Variants in DLG2 observed in about 807,000 individuals in gnomAD.
DLG2 encodes the protein disks large homolog 2.
A neutral mutation model predicts 132.5 loss-of-function variants in DLG2; 45 were observed. The ratio of observed to expected loss-of-function variants is 0.34; its 90% CI spans 0.27 to 0.44. DLG2 has a LOEUF of 0.44. DLG2 is among the 20% of genes least tolerant of loss of function. DLG2 has a pLI of 1.00. For synonymous variants in DLG2, 424 were observed against 419.6 expected (o/e 1.01, Z -0.13); for missense variants, 1,045 against 1,196.9 (o/e 0.87, Z 1.87).
intron 4 of DLG2, among the ~76,000 whole-genome samples, chr11:85,165,787 C>T (rs1030361326): frequency 6.6e-6 from 1 of 152,060 alleles, no homozygotes; most frequent in Non-Finnish European, 1.5e-5. Context: ...AAATATAAAC[C>T]TGCACTGCAG....
chr11:83,859,200 G>C (rs1565376070), intron 16 of DLG2, among the ~76,000 whole-genome samples: 1 of 152,222 alleles, frequency 6.6e-6, no homozygotes, highest in Non-Finnish European at 1.5e-5. Context: ...CTGCTGAAAA[G>C]ATACCCGAAA....
chr11:84,499,079 T>C (rs539303483), intron 7 of DLG2, among the ~76,000 whole-genome samples: 14 of 152,238 alleles, frequency 9.2e-5, no homozygotes, highest in Non-Finnish European at 1.5e-4. Flanking sequence ...TAAAGGATGT[T>C]CTTTTGCAAT....
intron 11 of DLG2, among the ~76,000 whole-genome samples, chr11:84,018,038 G>A (rs1173244631): frequency 1.3e-5 from 2 of 151,758 alleles, no homozygotes; most frequent in African/African-American, 4.8e-5. Context: ...TGCTTTATTT[G>A]TTTGTATTTA....
intron 18 of DLG2, among the ~76,000 whole-genome samples, chr11:83,675,191 A>T (rs917106281): frequency 6.6e-6 from 1 of 152,258 alleles, no homozygotes; most frequent in East Asian, 1.9e-4. Context: ...GAAAGAAATG[A>T]TTATTGCCAA....
At chr11:85,150,961 C>T (rs771120574) in intron 5 of DLG2, among the ~76,000 whole-genome samples, 1 of 152,058 alleles carries the variant, frequency 6.6e-6, no homozygotes, top group African/African-American at 2.4e-5. Flanking sequence ...ATACTGTTTT[C>T]CATAATGGTG....
At chr11:83,820,148 T>G (rs1015863770) in intron 17 of DLG2, among the ~76,000 whole-genome samples, 8 of 152,342 alleles carry the variant, frequency 5.3e-5, no homozygotes, top group Admixed American at 1.3e-4. Flanking sequence ...TACTGCCATC[T>G]TGTGGATTTT....
intron 15 of DLG2, among the ~76,000 whole-genome samples, chr11:83,882,689 A>G (rs1268263162): frequency 6.6e-6 from 1 of 152,244 alleles, no homozygotes; most frequent in Non-Finnish European, 1.5e-5. Flanking sequence ...TAATTAAGAC[A>G]TGCAGGCAGT....
intron 11 of DLG2, among the ~76,000 whole-genome samples, chr11:84,054,179 T>G (rs955501712): frequency 1.3e-5 from 2 of 152,074 alleles, no homozygotes; most frequent in African/African-American, 4.8e-5. Context: ...TTAAAAGAAG[T>G]CATCTAATTT....
chr11:85,108,962 A>G (rs1206987256), intron 6 of DLG2, among the ~76,000 whole-genome samples: 2 of 152,146 alleles, frequency 1.3e-5, no homozygotes, highest in Non-Finnish European at 2.9e-5. Flanking sequence ...TAAGCAACTG[A>G]GCCTCACATA....
At chr11:83,748,460 T>C (rs1416253836) in intron 18 of DLG2, among the ~76,000 whole-genome samples, 1 of 152,216 alleles carries the variant, frequency 6.6e-6, no homozygotes, top group African/African-American at 2.4e-5. Flanking sequence ...CTGCTTTTTC[T>C]ACTGTATTAG....
intron 7 of DLG2, among the ~76,000 whole-genome samples, chr11:84,286,628 C>T (rs2097912775): frequency 6.6e-6 from 1 of 152,144 alleles, no homozygotes; most frequent in Non-Finnish European, 1.5e-5. Flanking sequence ...CTTCCATGTT[C>T]CAAGGTTTTG....
intron 6 of DLG2, among the ~76,000 whole-genome samples, chr11:84,616,983 C>CT (rs199665834): frequency 0.097 from 13,822 of 142,232 alleles, 711 homozygotes; most frequent in South Asian, 0.2. Context: ...TCTTCCCTTT[C>CT]TTTTTTTTTT....
At chr11:84,749,873 A>T (rs2065888792) in intron 6 of DLG2, among the ~76,000 whole-genome samples, 1 of 152,112 alleles carries the variant, frequency 6.6e-6, no homozygotes, top group Admixed American at 6.6e-5. Context: ...AATCAATGTA[A>T]AGCAGAATTT....
intron 2 of DLG2, among the ~76,000 whole-genome samples, chr11:85,603,658 A>G (rs973563100): frequency 3.9e-5 from 6 of 152,032 alleles, no homozygotes; most frequent in Admixed American, 1.3e-4. Context: ...GCTCACACCT[A>G]TAATTCCAGC....
chr11:83,777,254 T>C (rs1307906381), intron 18 of DLG2, among the ~76,000 whole-genome samples: 3 of 152,206 alleles, frequency 2.0e-5, no homozygotes, highest in Non-Finnish European at 4.4e-5. Context: ...AAGAGGAGAA[T>C]AAGAGATTAT....
chr11:83,819,958 TA>T (rs1297259623), intron 17 of DLG2, among the ~76,000 whole-genome samples: 3 of 151,772 alleles, frequency 2.0e-5, no homozygotes, highest in African/African-American at 7.3e-5. Context: ...ATAATAATAA[TA>T]AACAAAGTCA....
intron 6 of DLG2, among the ~76,000 whole-genome samples, chr11:84,613,306 A>G (rs2099598590): frequency 6.6e-6 from 1 of 152,168 alleles, no homozygotes; most frequent in African/African-American, 2.4e-5. Context: ...TTAGGAAAAG[A>G]GTCTCTGTGA....
At chr11:84,160,430 G>A (rs879529672) in intron 9 of DLG2, among the ~76,000 whole-genome samples, 8 of 152,294 alleles carry the variant, frequency 5.3e-5, no homozygotes, top group Non-Finnish European at 1.0e-4. Flanking sequence ...GATGGAACCA[G>A]TAATGACTTT....
chr11:84,175,150 G>A (rs1436198527), intron 8 of DLG2, among the ~76,000 whole-genome samples: 4 of 152,130 alleles, frequency 2.6e-5, no homozygotes, highest in Admixed American at 2.6e-4. Context: ...TCTAGTGTTT[G>A]AATCCAGTAT....
Sources: gnomAD v4.1 joint callset for allele counts (sites outside exome capture counted in the v4.1 genomes callset) on GRCh38, gnomAD v4.1.1 for gene constraint, MANE v1.5 for transcripts, NCBI Gene and HGNC (gene_info 2026-07-23, HGNC 2026-07-21) for gene names.